Variants in BAZ2B observed in about 807,000 individuals in gnomAD.
BAZ2B encodes the protein bromodomain adjacent to zinc finger domain protein 2B.
A neutral mutation model predicts 246.0 loss-of-function variants in BAZ2B; 91 were observed. That is an observed-to-expected ratio of 0.37 (90% CI 0.31 to 0.44). BAZ2B has a LOEUF of 0.44. Among genes scored for constraint, BAZ2B ranks in the 20% least tolerant of loss-of-function variants. The pLI is 1.00. For synonymous variants in BAZ2B, 855 were observed against 860.0 expected (o/e 0.99, Z 0.10); for missense variants, 2,332 against 2,533.7 (o/e 0.92, Z 1.71).
chr2:159,573,559 C>A (rs1308059893), intron 1 of BAZ2B, among the ~76,000 whole-genome samples: 1 of 152,042 alleles, frequency 6.6e-6, no homozygotes, highest in Non-Finnish European at 1.5e-5. Context: ...ACGTAAAATT[C>A]CTGGAAGAAA....
chr2:159,595,108 C>T (rs939561719), intron 1 of BAZ2B, among the ~76,000 whole-genome samples: 2 of 148,198 alleles, frequency 1.3e-5, no homozygotes, highest in African/African-American at 2.5e-5. Context: ...TAAACATATA[C>T]TTTTTTTTTT....
intron 16 of BAZ2B, 71 bp from the exon 17 acceptor site, chr2:159,400,735 C>A: frequency 1.1e-6 from 1 of 947,454 alleles, no homozygotes; most frequent in South Asian, 1.5e-5. Context: ...TGAGTGGAAT[C>A]AAATAATTAA....
Position 159,373,122 on chromosome 2 carries a change from T to A in BAZ2B, c.4136A>T (p.Gln1379Leu). 6.2e-7 allele frequency: 1 copy of A among 1,614,124 alleles called. No individual in the cohort carries two copies. Among genetic ancestry groups the A allele is most frequent in the Non-Finnish European group, 8.5e-7 (1 of 1,179,954 alleles). The change falls in exon 27 of 37, where the codon CAA becomes CTA. Residue 1379 changes from glutamine (Q) to leucine (L), a missense_variant. Around this residue, in one of 9 missense-constraint regions of BAZ2B, gnomAD observed 676 missense variants for 668.6 expected, o/e 1.01. Coordinates refer to ENST00000392783, the MANE Select transcript of BAZ2B (RefSeq NM_013450.4). ...SHSLRSVMFG[Q>L]DRYRRRYWIL... ...CCAGTACCGGCGTCTGTAACGATCTTGGCCAAACATCACTGAACGCAATGA... is the reference window on the plus strand; with the variant it reads ...CCAGTACCGGCGTCTGTAACGATCTAGGCCAAACATCACTGAACGCAATGA...
intron 2 of BAZ2B, among the ~76,000 whole-genome samples, chr2:159,541,837 C>T (rs2086698011): frequency 6.6e-6 from 1 of 152,112 alleles, no homozygotes; most frequent in Non-Finnish European, 1.5e-5. Flanking sequence ...CCCATTAGGG[C>T]ATTTCTTATA....
chr2:159,506,713 G>C (rs896347500), intron 2 of BAZ2B, among the ~76,000 whole-genome samples: 1 of 152,136 alleles, frequency 6.6e-6, no homozygotes. Flanking sequence ...ACCAACAAGG[G>C]AAACACCATT....
chr2:159,365,046 T>G (rs1322426039), intron 27 of BAZ2B, among the ~76,000 whole-genome samples: 1 of 152,228 alleles, frequency 6.6e-6, no homozygotes, highest in Non-Finnish European at 1.5e-5. Context: ...TTGGGGTTAC[T>G]GTGTCTCCTG....
chr2:159,632,894 A>T, the BAZ2B span, among the ~76,000 whole-genome samples: 74 of 152,358 alleles, frequency 4.9e-4, no homozygotes, highest in African/African-American at 1.6e-3. Context: ...AAACAAAAAT[A>T]TCAATAAACA....
intron 1 of BAZ2B, among the ~76,000 whole-genome samples, chr2:159,579,628 T>G (rs12614790): frequency 0.55 from 83,981 of 151,952 alleles, 23,979 homozygotes; most frequent in East Asian, 0.74. Flanking sequence ...AAAAAAAAGA[T>G]AATTTTAGAC....
intron 18 of BAZ2B, chr2:159,398,312 C>A (rs2064385590): frequency 6.6e-6 from 1 of 152,084 alleles, no homozygotes; most frequent in South Asian, 2.1e-4. Context: ...TTAAAAGCAG[C>A]TAATTTTATT....
chr2:159,612,216 A>G (rs1304191443), intron 1 of BAZ2B, among the ~76,000 whole-genome samples: 1 of 152,026 alleles, frequency 6.6e-6, no homozygotes, highest in Admixed American at 6.6e-5. Context: ...CCCAATAATT[A>G]TTTCTTTTCT....
At chr2:159,360,382 G>C (rs1311071228) in intron 27 of BAZ2B, among the ~76,000 whole-genome samples, 1 of 152,082 alleles carries the variant, frequency 6.6e-6, no homozygotes, top group African/African-American at 2.4e-5. Flanking sequence ...AAATACCTAG[G>C]AATCCAACTT....
intron 2 of BAZ2B, among the ~76,000 whole-genome samples, chr2:159,490,211 C>G (rs983824991): frequency 6.6e-6 from 1 of 151,758 alleles, no homozygotes; most frequent in Non-Finnish European, 1.5e-5. Flanking sequence ...AATCGAGAAA[C>G]CATACATCAA....
intron 13 of BAZ2B, among the ~76,000 whole-genome samples, chr2:159,422,052 C>T (rs562970561): frequency 5.9e-5 from 9 of 152,046 alleles, no homozygotes; most frequent in Non-Finnish European, 1.3e-4. Context: ...TGAAAGATCT[C>T]TACAACAAAA....
intron 1 of BAZ2B, among the ~76,000 whole-genome samples, chr2:159,571,801 T>C (rs945544736): frequency 3.9e-5 from 6 of 151,988 alleles, no homozygotes; most frequent in Non-Finnish European, 4.4e-5. Flanking sequence ...GGCAAGGGAG[T>C]GCCCGAGATA....
chr2:159,511,123 C>T (rs950749599), intron 2 of BAZ2B, among the ~76,000 whole-genome samples: 1 of 152,274 alleles, frequency 6.6e-6, no homozygotes, highest in Non-Finnish European at 1.5e-5. Flanking sequence ...TATACTTGCA[C>T]AAATACATCA....
chr2:159,482,135 C>A (rs374721739), intron 2 of BAZ2B, among the ~76,000 whole-genome samples: 137 of 143,382 alleles, frequency 9.6e-4, no homozygotes, highest in South Asian at 1.1e-3. Flanking sequence ...AAAAAACAAA[C>A]AAAAAAAAAA....
At chr2:159,537,185 T>C (rs192492554) in intron 2 of BAZ2B, among the ~76,000 whole-genome samples, 3 of 152,352 alleles carry the variant, frequency 2.0e-5, no homozygotes, top group Admixed American at 2.0e-4. Context: ...TGATCTCACA[T>C]ATACGAGGTA....
the BAZ2B span, among the ~76,000 whole-genome samples, chr2:159,647,135 T>C: frequency 6.6e-6 from 1 of 152,170 alleles, no homozygotes; most frequent in Admixed American, 6.6e-5. Flanking sequence ...CCAAAATCTA[T>C]ATTAGTCAGG....
At chr2:159,347,179 T>A (rs1575849398) in intron 31 of BAZ2B, among the ~76,000 whole-genome samples, 1 of 152,176 alleles carries the variant, frequency 6.6e-6, no homozygotes, top group East Asian at 1.9e-4. Context: ...AGTAAAGAAC[T>A]GCGCATCGGA....
Sources: gnomAD v4.1 joint callset for allele counts (sites outside exome capture counted in the v4.1 genomes callset) on GRCh38, gnomAD v4.1.1 for gene constraint, gnomAD v4.1.1 regional missense constraint, MANE v1.5 for transcripts, NCBI Gene and HGNC (gene_info 2026-07-23, HGNC 2026-07-21) for gene names.